The following MYOCD variants were observed in gnomAD, a reference collection of about 807,000 sequenced individuals.
MYOCD encodes the protein myocardin.
Under a neutral mutation model 96.1 loss-of-function variants are expected in MYOCD, and 32 were observed. That is an observed-to-expected ratio of 0.33 (90% confidence interval 0.25 to 0.45). MYOCD has a LOEUF of 0.45. Among genes scored for constraint, MYOCD ranks in the 20% least tolerant of loss-of-function variants. The pLI is 1.00. For missense variants in MYOCD, 1,133 were observed against 1,200.6 expected, an observed-to-expected ratio of 0.94 and a Z score of 0.83; for synonymous variants, 469 against 469.0, an observed-to-expected ratio of 1.00 and a Z score of 0.00.
rs2033015621 is a variant in MYOCD, at chr17:12,756,497, A to C, written c.2142A>C (p.Ala714=). The change falls in exon 11 of 14, where the codon GCA becomes GCC. Residue 714 remains alanine, a synonymous_variant. Coordinates refer to ENST00000425538, the MANE Select transcript of MYOCD (RefSeq NM_001146312.3). ...SLHPPFSGAQ[A]DSSHGAGGNP... ...ACCCGCCCTTCTCTGGAGCCCAAGC[A>C]GACAGCAGTCATGGTGCCGGGGGAA... is the stretch of plus-strand genomic sequence containing the variant. 2 of 1,551,844 alleles carry C rather than the reference A, an allele frequency of 1.3e-6. No individual in the cohort carries two copies. The highest frequency in any genetic ancestry group is 2.0e-5 in the Admixed American group (1 of 50,940).
intron 1 of MYOCD, among the ~76,000 whole-genome samples, chr17:12,676,292 C>CACAG (rs1349185054): frequency 8.0e-6 from 1 of 124,716 alleles, no homozygotes; most frequent in Non-Finnish European, 1.7e-5. Flanking sequence ...CACACACACA[C>CACAG]AGAAATGTCT....
intron 6 of MYOCD, 50 bp from the exon 7 acceptor site, chr17:12,739,151 TCA>T (rs2032431786): frequency 1.2e-5 from 18 of 1,557,136 alleles, no homozygotes; most frequent in Non-Finnish European, 1.5e-5. Flanking sequence ...CATTTCTGTG[TCA>T]CACAACTTAT....
At chr17:12,756,090 A>G (rs2033003575) in intron 10 of MYOCD, among the ~76,000 whole-genome samples, 1 of 152,156 alleles carries the variant, frequency 6.6e-6, no homozygotes, top group Non-Finnish European at 1.5e-5. Flanking sequence ...TGGAATGTAC[A>G]GGGCATGCTG....
intron 10 of MYOCD, among the ~76,000 whole-genome samples, chr17:12,755,867 G>A (rs566433406): frequency 9.2e-4 from 140 of 152,142 alleles, no homozygotes; most frequent in African/African-American, 3.1e-3. Flanking sequence ...GTGAGACTCC[G>A]TCTAAAAATA....
chr17:12,725,303 A>AAT (rs1396435678), intron 5 of MYOCD, among the ~76,000 whole-genome samples: 3 of 150,976 alleles, frequency 2.0e-5, no homozygotes, highest in African/African-American at 7.3e-5. Flanking sequence ...TTATAGAATT[A>AAT]ATATATTTTC....
intron 1 of MYOCD, among the ~76,000 whole-genome samples, chr17:12,703,138 G>C (rs925189593): frequency 6.6e-6 from 1 of 151,882 alleles, no homozygotes; most frequent in Non-Finnish European, 1.5e-5. Context: ...GTAGATTGGG[G>C]GGCGGGGTGT....
intron 1 of MYOCD, among the ~76,000 whole-genome samples, chr17:12,682,821 G>C (rs911656135): frequency 2.0e-5 from 3 of 152,200 alleles, no homozygotes; most frequent in African/African-American, 4.8e-5. Context: ...TTTAAAAGTA[G>C]ATCTCAAAGC....
intron 1 of MYOCD, among the ~76,000 whole-genome samples, chr17:12,674,592 G>A (rs967187054): frequency 1.3e-5 from 2 of 152,142 alleles, no homozygotes; most frequent in African/African-American, 4.8e-5. Context: ...AAGTAAAACA[G>A]ACAATTATTA....
At chr17:12,666,340 G>T in intron 1 of MYOCD, 97 bp downstream of exon 1, 1 of 933,886 alleles carries the variant, frequency 1.1e-6, no homozygotes, top group Non-Finnish European at 1.7e-6. Context: ...AAGCCTGCCA[G>T]GTCTACCTCA....
intron 4 of MYOCD, among the ~76,000 whole-genome samples, chr17:12,718,145 G>T (rs560292006): frequency 6.6e-6 from 1 of 152,288 alleles, no homozygotes; most frequent in Admixed American, 6.5e-5. Flanking sequence ...CTAGGAGTTG[G>T]CTGCTCTGCC....
At chr17:12,728,348 C>T (rs1352310781) in intron 5 of MYOCD, among the ~76,000 whole-genome samples, 2 of 152,152 alleles carry the variant, frequency 1.3e-5, no homozygotes, top group Non-Finnish European at 2.9e-5. Flanking sequence ...AAACAGAACC[C>T]AGGCTGGCCT....
chr17:12,753,282 C>G lies in MYOCD; in HGVS notation c.1994C>G (p.Ser665Cys), dbSNP rs189381009. 1 of 1,613,732 alleles carries G rather than the reference C, an allele frequency of 6.2e-7. No individual in the cohort carries two copies. Among genetic ancestry groups the G allele is most frequent in the African/African-American group, 1.3e-5 (1 of 75,054 alleles). ...PNNPHFLPSS[S>C]GAQGEGHRVS... ...AACCCTCACTTTCTGCCCTCATCCT[C>G]CGGGGCCCAGGGAGAAGGGCACAGG... Residue 665 changes from serine to cysteine, a missense_variant, in exon 10 of 14, where the codon TCC becomes TGC. By Grantham distance (112) the Ser-to-Cys change is moderately radical. Transcript: ENST00000425538.
intron 9 of MYOCD, among the ~76,000 whole-genome samples, chr17:12,750,649 G>A (rs1041550779): frequency 2.0e-5 from 3 of 151,960 alleles, no homozygotes; most frequent in Non-Finnish European, 4.4e-5. Context: ...AGATTATGCC[G>A]CTGCACTCCA....
rs770006806 is a variant in MYOCD, at chr17:12,758,097, C to T, written c.2215C>T (p.His739Tyr). 6 of 1,613,474 alleles carry T rather than the reference C, an allele frequency of 3.7e-6. No homozygotes were observed. The highest frequency in any genetic ancestry group is 1.1e-5 in the South Asian group (1 of 91,070). ...PCVQQKMAGL[H>Y]SSDKVGPKFS... ...TTTACCCATGCAGATGGCTGGTTTACACTCTTCTGATAAGGTGGGGCCAAA... is the reference window on the plus strand; with the variant it reads ...TTTACCCATGCAGATGGCTGGTTTATACTCTTCTGATAAGGTGGGGCCAAA... Residue 739 changes from histidine to tyrosine, a missense_variant, in exon 12 of 14, where the codon CAC (histidine) becomes TAC (tyrosine). Transcript: ENST00000425538.
chr17:12,710,766 C>T (rs2031457251), intron 2 of MYOCD, among the ~76,000 whole-genome samples: 1 of 152,162 alleles, frequency 6.6e-6, no homozygotes, highest in Admixed American at 6.5e-5. Context: ...AATCTGTCTG[C>T]CTCTTCCCTT....
chr17:12,753,358 T>A lies in MYOCD; in HGVS notation c.2058+12T>A. ...TGTGCACTGCACAGGTAAGAGCACC[T>A]TGCGCCATGCCTGGTGCACACTTCT... On this transcript the variant is annotated intron_variant, in intron 10 of 13. Transcript: ENST00000425538. 1.3e-6 allele frequency: 2 copies of A among 1,541,926 alleles called. No individual in the cohort carries two copies. The highest frequency in any genetic ancestry group is 1.7e-6 in the Non-Finnish European group (2 of 1,143,962).
intron 5 of MYOCD, among the ~76,000 whole-genome samples, chr17:12,734,458 A>G (rs933430396): frequency 2.4e-5 from 3 of 123,634 alleles, no homozygotes; most frequent in Non-Finnish European, 5.1e-5. Flanking sequence ...CCATCCACCC[A>G]CCCACCTACT....
chr17:12,697,355 ATATATTTTTTT>A (rs1248109301), intron 1 of MYOCD, among the ~76,000 whole-genome samples: 7 of 86,022 alleles, frequency 8.1e-5, no homozygotes, highest in African/African-American at 4.3e-4. Flanking sequence ...ATATATATAT[ATATATTTTTTT>A]TTTTTTTTTT....
rs998960205 is a variant in MYOCD, at chr17:12,705,201, C to T, written c.121+8C>T. The T allele has an allele frequency of 1.9e-6, 3 of 1,603,302 alleles. No homozygotes were observed. In the African/African-American group the frequency reaches 4.0e-5, roughly 21 times the overall value. On this transcript the variant is annotated splice_region_variant and intron_variant, in intron 2 of 13. Transcript: ENST00000425538. ...ACCAAGGCATAATACCACGTGAGTA[C>T]CTGCATCTCTTAATTACTGATATAC... is the stretch of plus-strand genomic sequence containing the variant.
Sources: allele counts gnomAD v4.1 joint callset (sites outside exome capture counted in the v4.1 genomes callset), GRCh38; gene constraint gnomAD v4.1.1; transcripts MANE v1.5; gene names NCBI Gene and HGNC (gene_info 2026-07-23, HGNC 2026-07-21).